CTR9: variants seen among roughly 807,000 people sequenced by gnomAD.
CTR9 encodes the protein RNA polymerase-associated protein CTR9 homolog.
A neutral mutation model predicts 152.1 loss-of-function variants in CTR9; 41 were observed. That is an observed-to-expected ratio of 0.27 (90% CI 0.21 to 0.35). The LOEUF is 0.35. CTR9 is among the 10% of genes least tolerant of loss of function. The pLI is 1.00. For missense variants in CTR9, 917 were observed against 1,424.4 expected, an observed-to-expected ratio of 0.64 and a Z score of 5.73; for synonymous variants, 476 against 496.2, an observed-to-expected ratio of 0.96 and a Z score of 0.54.
At chr11:10,776,971 G>GGAA (rs762014832) in intron 24 of CTR9, among the ~76,000 whole-genome samples, 19 of 63,248 alleles carry the variant, frequency 3.0e-4, no homozygotes, top group African/African-American at 1.1e-3. Context: ...AGACTCTTGT[G>GGAA]AAAAAAAAAA....
intron 23 of CTR9, 101 bp from the exon 24 acceptor site, chr11:10,775,420 A>C: frequency 7.3e-7 from 1 of 1,372,898 alleles, no homozygotes; most frequent in Non-Finnish European, 1.0e-6. Flanking sequence ...TTCAAAGTTC[A>C]TCAGTGGCTG....
intron 18 of CTR9, 92 bp from the exon 19 acceptor site, chr11:10,771,453 T>G: frequency 1.1e-6 from 1 of 901,504 alleles, no homozygotes. Context: ...AAACCTTTTC[T>G]CAGACTTTGT....
chr11:10,751,514 CG>C (rs1271330134), intron 1 of CTR9, 57 bp downstream of exon 1: 1 of 1,498,172 alleles, frequency 6.7e-7, no homozygotes, highest in Non-Finnish European at 9.2e-7. Context: ...TCGCCCCCAC[CG>C]ACTTCGCTCG....
At chr11:10,758,101 A>G (rs1862915765) in intron 5 of CTR9, among the ~76,000 whole-genome samples, 1 of 152,204 alleles carries the variant, frequency 6.6e-6, no homozygotes, top group Non-Finnish European at 1.5e-5. Flanking sequence ...AAGTAGTAAG[A>G]AATGGGGTCA....
At chr11:10,764,889 T>C (rs1863035246) in intron 12 of CTR9, among the ~76,000 whole-genome samples, 158 bp downstream of exon 12, 1 of 152,126 alleles carries the variant, frequency 6.6e-6, no homozygotes, top group African/African-American at 2.4e-5. Flanking sequence ...AAAACAAAGG[T>C]GCAGCTTTAC....
chr11:10,764,085 T>G, intron 9 of CTR9, 27 bp from the exon 10 acceptor site: 1 of 1,605,960 alleles, frequency 6.2e-7, no homozygotes, highest in Non-Finnish European at 8.5e-7. Context: ...ATGGAATACT[T>G]CAGCTTAACA....
In CTR9 at chr11:10,778,801, C is replaced by A; in HGVS notation, c.3218C>A (p.Pro1073His). 1 of 1,614,152 alleles carries A rather than the reference C, an allele frequency of 6.2e-7. No individual in the cohort carries two copies. Among genetic ancestry groups the A allele is most frequent in the South Asian group, 1.1e-5 (1 of 91,078 alleles). Residue 1073 changes from proline (P) to histidine (H), a missense_variant, in exon 25 of 25, where the codon CCC (proline) becomes CAC (histidine). By Grantham distance (77) the Pro-to-His change is moderately conservative (BLOSUM62 -2). This residue lies in a region of CTR9 where 384 missense variants were observed against 398.4 expected (regional missense o/e 0.96). Transcript: ENST00000361367. ...QNKSGSEAGS[P>H]RRPRRQRSDQ... ...AAGTCTGGCAGCGAGGCCGGCAGTC[C>A]CCGGAGGCCACGAAGACAGCGGTCA... is the stretch of plus-strand genomic sequence containing the variant.
At position 10,772,734 on chromosome 11, in the gene CTR9, C is replaced by A. The variant is rs11042957; in HGVS notation, c.2580+79C>A. 0.055 allele frequency: 74,852 copies of A among 1,370,954 alleles called. 3,522 individuals carry two copies. Among genetic ancestry groups the A allele is most frequent in the East Asian group, 0.18 (6,978 of 38,104 alleles). 84.9% of individuals were successfully genotyped at this position (1,370,954 alleles called of 1,614,324 possible). A position where few individuals can be genotyped will look rare whatever the true frequency, so the allele number is the denominator to read the frequency against. On this transcript the variant is annotated intron_variant, in intron 20 of 24. Transcript: ENST00000361367. ...ACTTTGTATGTTTAAAAAAAAAAGT[C>A]CTCTGCCAGGCGTGGTGGCTGACAC...
chr11:10,773,048 TG>T, intron 20 of CTR9, 78 bp from the exon 21 acceptor site: 1 of 1,491,416 alleles, frequency 6.7e-7, no homozygotes, highest in South Asian at 1.3e-5. Flanking sequence ...AAAAATCCTC[TG>T]CTTAGGATGG....
intron 16 of CTR9, among the ~76,000 whole-genome samples, chr11:10,768,821 A>G (rs951229716): frequency 1.3e-5 from 2 of 152,262 alleles, no homozygotes; most frequent in Non-Finnish European, 2.9e-5. Context: ...CATGCCTAGC[A>G]TATTAGTAAT....
intron 5 of CTR9, among the ~76,000 whole-genome samples, chr11:10,757,928 C>T (rs1055659371): frequency 6.6e-6 from 1 of 152,214 alleles, no homozygotes; most frequent in Non-Finnish European, 1.5e-5. Flanking sequence ...TGTGTGAAGA[C>T]CTAAAAAACA....
chr11:10,760,572 A>G (rs1862960281), intron 6 of CTR9, among the ~76,000 whole-genome samples: 1 of 151,684 alleles, frequency 6.6e-6, no homozygotes, highest in South Asian at 2.1e-4. Flanking sequence ...ATTGCCACCA[A>G]ATAAGTTTGC....
intron 3 of CTR9, 100 bp downstream of exon 3, chr11:10,755,297 A>G: frequency 7.4e-7 from 1 of 1,346,286 alleles, no homozygotes; most frequent in Non-Finnish European, 1.0e-6. Context: ...TTTTTCTTCA[A>G]GTAACATGGT....
At position 10,754,901 on chromosome 11, in the gene CTR9, C is replaced by T. The variant is rs116871508; in HGVS notation, c.145-57C>T. 13,329 of 1,541,204 alleles carry T rather than the reference C, an allele frequency of 8.6e-3. 68 individuals are homozygous for T. The highest frequency in any genetic ancestry group is 9.9e-3 in the Non-Finnish European group (11,319 of 1,142,298). On this transcript the variant is annotated intron_variant, in intron 2 of 24. Transcript: ENST00000361367. ...TAAAGCTGCTGTAAACATTTGTGTA[C>T]AACTTTTTATATGGACATATGCTTT...
Position 10,751,324 on chromosome 11 carries a change from G to T in CTR9, c.-89G>T. ...GGCGGCAGTCAAGACCAGAGCCGGA[G>T]CCGTCACTCACCTCTGGATTAGCCT... On this transcript the variant is annotated 5_prime_UTR_variant, in exon 1 of 25. Coordinates refer to ENST00000361367, the MANE Select transcript of CTR9 (RefSeq NM_014633.5). 1 of 1,389,008 alleles carries T rather than the reference G, an allele frequency of 7.2e-7. No homozygotes were observed. The highest frequency in any genetic ancestry group is 1.0e-6 in the Non-Finnish European group (1 of 981,704). The allele number at this position is 1,389,008 out of a possible 1,614,324, so 86.0% of individuals were successfully genotyped here.
intron 2 of CTR9, among the ~76,000 whole-genome samples, chr11:10,753,982 G>C (rs373696698): frequency 1.3e-5 from 2 of 152,268 alleles, no homozygotes; most frequent in East Asian, 3.9e-4. Context: ...ACAGATTAGA[G>C]AATATGTGTA....
chr11:10,770,938 T>C (rs183056549), intron 18 of CTR9, among the ~76,000 whole-genome samples: 190 of 152,360 alleles, frequency 1.2e-3, no homozygotes, highest in African/African-American at 4.3e-3. Context: ...TTTATTAATC[T>C]GACAGTAATG....
chr11:10,766,454 T>C lies in CTR9; in HGVS notation c.1650T>C (p.Ala550=). ...GAGATAAGGGAAACTTTTATGAGGC[T>C]TCAGATTGGTTTAAGGAAGCTCTTC... ...MARDKGNFYE[A]SDWFKEALQI... Residue 550 remains alanine, a synonymous_variant, in exon 13 of 25, where the codon GCT becomes GCC. Transcript: ENST00000361367. 1 of 1,611,032 alleles carries C rather than the reference T, an allele frequency of 6.2e-7. No individual in the cohort carries two copies. Among genetic ancestry groups the C allele is most frequent in the Non-Finnish European group, 8.5e-7 (1 of 1,179,318 alleles).
rs1005862126 is a variant in CTR9, at chr11:10,779,496, T to G, written c.*391T>G. On this transcript the variant is annotated 3_prime_UTR_variant, in exon 25 of 25. Transcript: ENST00000361367. Reference sequence around the variant, plus strand: ...ACCAAGTGGTGCACAAACTTGGTATTGATGTCTTTATTCCATTTTGAGTTT... The same window carrying G: ...ACCAAGTGGTGCACAAACTTGGTATGGATGTCTTTATTCCATTTTGAGTTT... 11 of 174,830 alleles carry G rather than the reference T, an allele frequency of 6.3e-5. No homozygotes were observed. The highest frequency in any genetic ancestry group is 1.2e-4 in the Non-Finnish European group (10 of 81,312). The allele number at this position is 174,830 out of a possible 1,614,324, so 10.8% of individuals were successfully genotyped here.
Sources: allele counts gnomAD v4.1 joint callset (sites outside exome capture counted in the v4.1 genomes callset), GRCh38; gene constraint gnomAD v4.1.1; regional missense constraint gnomAD v4.1.1; transcripts MANE v1.5; gene names NCBI Gene and HGNC (gene_info 2026-07-23, HGNC 2026-07-21).